The following PCP2 variants were observed in gnomAD, a reference collection of about 807,000 sequenced individuals.
The protein encoded by PCP2 is Purkinje cell protein 2 homolog.
PCP2 carries 21 observed loss-of-function variants against 18.3 expected under a neutral mutation model. The ratio of observed to expected loss-of-function variants is 1.14; its 90% confidence interval spans 0.81 to 1.65. The LOEUF is 1.65. Among genes scored for constraint, PCP2 ranks in the 40% most tolerant of loss-of-function variants. The probability of loss-of-function intolerance (pLI) is 0.00; values close to 1 mark genes in which losing one functional copy is unlikely to be tolerated. For missense variants in PCP2, 202 were observed against 201.8 expected (o/e 1.00, Z 0.00); for synonymous variants, 85 against 77.6 (o/e 1.10, Z -0.50).
In PCP2 at chr19:7,632,818, C is replaced by T; in HGVS notation, c.64G>A (p.Asp22Asn). The T allele has an allele frequency of 6.4e-7, 1 of 1,553,022 alleles. No homozygotes were observed. Among genetic ancestry groups the T allele is most frequent in the Non-Finnish European group, 8.7e-7 (1 of 1,151,136 alleles). ...AGCAGATTGAAGAAGCCCTCCTGGTCTGGGGAGCCCGCCTGGGGACAGACT... is the reference window on the plus strand; with the variant it reads ...AGCAGATTGAAGAAGCCCTCCTGGTTTGGGGAGCCCGCCTGGGGACAGACT... ...SGPCAEAGSP[D>N]QEGFFNLLSH... The change falls in exon 2 of 4, where the codon GAC becomes AAC. Residue 22 changes from aspartate to asparagine, a missense_variant. Coordinates refer to ENST00000311069, the MANE Select transcript of PCP2 (RefSeq NM_174895.3). The surrounding 1 kb of genome is among the most constrained non-coding windows in gnomAD (Gnocchi z 5.2).
chr19:7,635,179 G>A (rs947212939), upstream of PCP2, among the ~76,000 whole-genome samples: 5 of 152,174 alleles, frequency 3.3e-5, no homozygotes, highest in African/African-American at 9.7e-5. Context: ...AGCTGGAGGC[G>A]GTCCTGGCTT....
chr19:7,632,294 G>A lies in PCP2; in HGVS notation c.291+99C>T. The A allele has an allele frequency of 2.6e-6, 4 of 1,539,152 alleles. No homozygotes were observed. Among genetic ancestry groups the A allele is most frequent in the Non-Finnish European group, 3.5e-6 (4 of 1,135,728 alleles). On this transcript the variant is annotated intron_variant, in intron 3 of 3. Coordinates refer to ENST00000311069, the MANE Select transcript of PCP2 (RefSeq NM_174895.3). This position sits in a 1 kb window ranked among gnomAD's most constrained non-coding sequence, Gnocchi z 5.2. Reference sequence around the variant, plus strand: ...GAAGTCAGGGCAGCGGATGGACAGAGATGGGGCAGGCCCTGTTCCCTCCTG... The same window carrying A: ...GAAGTCAGGGCAGCGGATGGACAGAAATGGGGCAGGCCCTGTTCCCTCCTG...
At chr19:7,634,676 AT>A (rs201127410), upstream of PCP2, among the ~76,000 whole-genome samples, 4,394 of 151,990 alleles carry the variant, frequency 0.029, 93 homozygotes, top group Non-Finnish European at 0.047. Flanking sequence ...AGCCTTTAAA[AT>A]TTTTTTTTAA....
At chr19:7,634,180 C>T (rs1431119313), upstream of PCP2, among the ~76,000 whole-genome samples, 2 of 152,148 alleles carry the variant, frequency 1.3e-5, no homozygotes, top group Non-Finnish European at 2.9e-5. Context: ...GAACAGGAGG[C>T]GAGACTCCCT....
At chr19:7,634,235 C>G (rs997804735), upstream of PCP2, among the ~76,000 whole-genome samples, 1 of 152,218 alleles carries the variant, frequency 6.6e-6, no homozygotes. Context: ...CCTTTTCCCC[C>G]GAGCCACTGT....
chr19:7,632,929 C>T lies in PCP2; in HGVS notation c.52-99G>A, dbSNP rs756379065. 9.4e-5 allele frequency: 141 copies of T among 1,493,936 alleles called. 1 individual carries two copies. Among genetic ancestry groups the T allele is most frequent in the Middle Eastern group, 1.7e-4 (1 of 5,786 alleles). 92.5% of individuals were successfully genotyped at this position (1,493,936 alleles called of 1,614,324 possible). ...CTCACACCCTGACCCCGGGGCCTGC[C>T]GTCCCCACTTCCTCAGCTCTCACCA... is the stretch of plus-strand genomic sequence containing the variant. On this transcript the variant is annotated intron_variant, in intron 1 of 3. Transcript: ENST00000311069. This position sits in a 1 kb window ranked among gnomAD's most constrained non-coding sequence, Gnocchi z 5.2.
In PCP2 at chr19:7,632,862, C is replaced by G. The variant is rs1200387416; in HGVS notation, c.52-32G>C. On this transcript the variant is annotated intron_variant, in intron 1 of 3. Coordinates refer to ENST00000311069, the MANE Select transcript of PCP2 (RefSeq NM_174895.3). The surrounding 1 kb of genome is among the most constrained non-coding windows in gnomAD (Gnocchi z 5.2). Reference sequence around the variant, plus strand: ...ACAGACTCGCTCAGTCTGGTTGGCCCTTCAGCTTGGGGGCCCCTCCCCAAA... The same window carrying G: ...ACAGACTCGCTCAGTCTGGTTGGCCGTTCAGCTTGGGGGCCCCTCCCCAAA... 1.3e-6 allele frequency: 2 copies of G among 1,539,426 alleles called. No individual in the cohort carries two copies. The highest frequency in any genetic ancestry group is 2.4e-5 in the East Asian group (1 of 40,890).
upstream of PCP2, chr19:7,636,819 A>G (rs367982083): frequency 3.0e-5 from 9 of 296,538 alleles, no homozygotes; most frequent in East Asian, 3.7e-4. Context: ...TTGCAGGCAC[A>G]GAACCTCCCG....
In PCP2 at chr19:7,632,858, G is replaced by A; in HGVS notation, c.52-28C>T. The A allele has an allele frequency of 6.5e-7, 1 of 1,540,322 alleles. No homozygotes were observed. Among genetic ancestry groups the A allele is most frequent in the Non-Finnish European group, 8.7e-7 (1 of 1,145,424 alleles). On this transcript the variant is annotated intron_variant, in intron 1 of 3. Transcript: ENST00000311069. This position sits in a 1 kb window ranked among gnomAD's most constrained non-coding sequence, Gnocchi z 5.2. ...GGGGACAGACTCGCTCAGTCTGGTTGGCCCTTCAGCTTGGGGGCCCCTCCC... is the reference window on the plus strand; with the variant it reads ...GGGGACAGACTCGCTCAGTCTGGTTAGCCCTTCAGCTTGGGGGCCCCTCCC...
chr19:7,633,529 C>T lies in PCP2; in HGVS notation c.-72G>A, dbSNP rs2031424275. 2.7e-6 allele frequency: 4 copies of T among 1,475,010 alleles called. No individual in the cohort carries two copies. In the Admixed American group the frequency reaches 6.0e-5, roughly 22 times the overall value. The allele number at this position is 1,475,010 out of a possible 1,614,324, so 91.4% of individuals were successfully genotyped here. On this transcript the variant is annotated 5_prime_UTR_variant, in exon 1 of 4. An upstream open reading frame in the 5' UTR gains an earlier in-frame stop. Coordinates refer to ENST00000311069, the MANE Select transcript of PCP2 (RefSeq NM_174895.3). ...GTGCCAGAGAGGGCCTTTTAAACGTCCAGGACGTGGGGGTGTGGATTCCCC... is the reference window on the plus strand; with the variant it reads ...GTGCCAGAGAGGGCCTTTTAAACGTTCAGGACGTGGGGGTGTGGATTCCCC...
At position 7,632,999 on chromosome 19, in the gene PCP2, TG is replaced by T; in HGVS notation, c.52-170del. The T allele has an allele frequency of 7.0e-7, 1 of 1,436,210 alleles. No homozygotes were observed. Among genetic ancestry groups the T allele is most frequent in the Non-Finnish European group, 9.1e-7 (1 of 1,098,268 alleles). 89.0% of individuals were successfully genotyped at this position (1,436,210 alleles called of 1,614,324 possible). On this transcript the variant is annotated intron_variant, in intron 1 of 3. Coordinates refer to ENST00000311069, the MANE Select transcript of PCP2 (RefSeq NM_174895.3). The surrounding 1 kb of genome is among the most constrained non-coding windows in gnomAD (Gnocchi z 5.2). ...CTGCAGAGCTGTTCTGAATGAGACATGAGTCTCCTTCCCAATCCCGGCCCCC... is the reference window on the plus strand; with the variant it reads ...CTGCAGAGCTGTTCTGAATGAGACATAGTCTCCTTCCCAATCCCGGCCCCC...
rs2031367669 is a variant in PCP2 at position 7,632,600 on chromosome 19, T to C, written c.167-83A>G. On this transcript the variant is annotated intron_variant, in intron 2 of 3. Coordinates refer to ENST00000311069, the MANE Select transcript of PCP2 (RefSeq NM_174895.3). The surrounding 1 kb of genome is among the most constrained non-coding windows in gnomAD (Gnocchi z 5.2). ...ACCCCTTCACCCCCACACAGATGCT[T>C]CAGGGTGCACAACCACCTCCCACAT... 3 of 1,592,920 alleles carry C rather than the reference T, an allele frequency of 1.9e-6. No homozygotes were observed. In the African/African-American group the frequency reaches 4.0e-5, roughly 21 times the overall value.
chr19:7,633,651 G>T lies in PCP2; in HGVS notation c.-194C>A. On this transcript the variant is annotated 5_prime_UTR_variant, in exon 1 of 4. Coordinates refer to ENST00000311069, the MANE Select transcript of PCP2 (RefSeq NM_174895.3). ...TAATTGTTTGCCCACAACGATGCTG[G>T]ATCTGGCATGGTGGGTAGGGGGCAG... The T allele has an allele frequency of 1.7e-6, 1 of 604,422 alleles. No individual in the cohort carries two copies. The highest frequency in any genetic ancestry group is 2.9e-6 in the Non-Finnish European group (1 of 347,658). The allele number at this position is 604,422 out of a possible 1,614,324, so 37.4% of individuals were successfully genotyped here.
intron 1 of PCP2, 196 bp from the exon 2 acceptor site, chr19:7,633,026 G>A (rs1237056152): frequency 3.2e-5 from 46 of 1,427,664 alleles, no homozygotes; most frequent in South Asian, 7.4e-5. Context: ...CCCGGCCCCC[G>A]CCCCAGGGGC....
chr19:7,635,075 G>T (rs974022317), upstream of PCP2, among the ~76,000 whole-genome samples: 2 of 152,290 alleles, frequency 1.3e-5, no homozygotes, highest in Non-Finnish European at 1.5e-5. Flanking sequence ...CCTATTGTGG[G>T]GTATTGGGGA....
rs545198629 is a variant in PCP2, at chr19:7,633,535, C to T, written c.-78G>A. Reference sequence around the variant, plus strand: ...GAGAGGGCCTTTTAAACGTCCAGGACGTGGGGGTGTGGATTCCCCCCATCC... The same window carrying T: ...GAGAGGGCCTTTTAAACGTCCAGGATGTGGGGGTGTGGATTCCCCCCATCC... On this transcript the variant is annotated 5_prime_UTR_variant, in exon 1 of 4. Coordinates refer to ENST00000311069, the MANE Select transcript of PCP2 (RefSeq NM_174895.3). 30 of 1,441,824 alleles carry T rather than the reference C, an allele frequency of 2.1e-5. 1 individual carries two copies. In the African/African-American group the frequency reaches 3.2e-4, roughly 16 times the overall value. 89.3% of individuals were successfully genotyped at this position (1,441,824 alleles called of 1,614,324 possible). A position where few individuals can be genotyped will look rare whatever the true frequency, so the allele number is the denominator to read the frequency against.
Position 7,633,057 on chromosome 19 carries a change from C to A in PCP2, c.52-227G>T. 3 of 1,374,336 alleles carry A rather than the reference C, an allele frequency of 2.2e-6. No homozygotes were observed. In the South Asian group the frequency reaches 4.5e-5, roughly 21 times the overall value. 85.1% of individuals were successfully genotyped at this position (1,374,336 alleles called of 1,614,324 possible). ...GGGGCCCTGGCCAGCAGTGCCACTT[C>A]ACGTGGTACCGCTTCAAGGGACAGG... On this transcript the variant is annotated intron_variant, in intron 1 of 3. Coordinates refer to ENST00000311069, the MANE Select transcript of PCP2 (RefSeq NM_174895.3).
upstream of PCP2, chr19:7,633,805 T>G: frequency 3.5e-6 from 1 of 284,582 alleles, no homozygotes; most frequent in Non-Finnish European, 6.6e-6. Context: ...CAGTGTAGGG[T>G]GGTAGCTGGC....
chr19:7,633,515 G>A lies in PCP2; in HGVS notation c.-58C>T. The A allele has an allele frequency of 2.6e-6, 4 of 1,534,770 alleles. No individual in the cohort carries two copies. In the South Asian group the frequency reaches 4.8e-5, roughly 18 times the overall value. On this transcript the variant is annotated 5_prime_UTR_variant, in exon 1 of 4. Transcript: ENST00000311069. Reference sequence around the variant, plus strand: ...TCTGCCCCGGCCCAGTGCCAGAGAGGGCCTTTTAAACGTCCAGGACGTGGG... The same window carrying A: ...TCTGCCCCGGCCCAGTGCCAGAGAGAGCCTTTTAAACGTCCAGGACGTGGG...
Sources: allele counts gnomAD v4.1 joint callset (sites outside exome capture counted in the v4.1 genomes callset), GRCh38; gene constraint gnomAD v4.1.1; non-coding constraint Gnocchi (gnomAD v3.1); transcripts MANE v1.5; gene names NCBI Gene and HGNC (gene_info 2026-07-23, HGNC 2026-07-21).